NF1: variants seen among roughly 807,000 people sequenced by gnomAD.
NF1 encodes neurofibromin 1.
Under a neutral mutation model 325.7 loss-of-function variants are expected in NF1, and 122 were observed. The ratio of observed to expected loss-of-function variants is 0.37; its 90% CI spans 0.32 to 0.44. NF1 has a LOEUF of 0.44. NF1 is among the 20% of genes least tolerant of loss of function. NF1 has a pLI of 1.00. For synonymous variants in NF1, 1,091 were observed against 1,186.0 expected, an observed-to-expected ratio of 0.92 and a Z score of 1.65; for missense variants, 2,140 against 3,415.4, an observed-to-expected ratio of 0.63 and a Z score of 9.31.
At chr17:31,232,490 T>C (rs1195683522) in intron 25 of NF1, among the ~76,000 whole-genome samples, 1 of 152,148 alleles carries the variant, frequency 6.6e-6, no homozygotes, top group Non-Finnish European at 1.5e-5. Flanking sequence ...GCTAATGTTA[T>C]GAAAGGTATA....
rs1005752744 is a variant in NF1 at position 31,120,518 on chromosome 17, G to A, written c.60+25149G>A. 3.7e-4 allele frequency among the ~76,000 whole-genome samples: 57 copies of A among 152,196 alleles called. 1 individual carries two copies. Among genetic ancestry groups the A allele is most frequent in the African/African-American group, 1.4e-3 (57 of 41,520 alleles). On this transcript the variant is annotated intron_variant, in intron 1 of 57. Transcript: ENST00000358273. Reference sequence around the variant, plus strand: ...AGGAGATTTTGGGCTGAGACGATAGGGTTTTCTAAATATACAGTCATGTCA... The same window carrying A: ...AGGAGATTTTGGGCTGAGACGATAGAGTTTTCTAAATATACAGTCATGTCA...
chr17:31,282,338 C>T (rs931087420), intron 36 of NF1, among the ~76,000 whole-genome samples: 1 of 148,314 alleles, frequency 6.7e-6, no homozygotes, highest in Non-Finnish European at 1.5e-5. Flanking sequence ...GCTGAGATAG[C>T]GCCACAGCAC....
At chr17:31,329,374 T>A (rs993377011) in intron 38 of NF1, among the ~76,000 whole-genome samples, 1 of 152,218 alleles carries the variant, frequency 6.6e-6, no homozygotes, top group Admixed American at 6.5e-5. Context: ...CAGCTTCTGC[T>A]TTTTGCTGAA....
At chr17:31,268,430 C>T (rs190379080) in intron 36 of NF1, among the ~76,000 whole-genome samples, 6 of 151,924 alleles carry the variant, frequency 3.9e-5, no homozygotes, top group South Asian at 2.1e-4. Context: ...AGATCAAGAC[C>T]GTCCTGGCCA....
chr17:31,325,140 G>A (rs1400086169), intron 36 of NF1, among the ~76,000 whole-genome samples: 1 of 152,160 alleles, frequency 6.6e-6, no homozygotes. Flanking sequence ...TAACTGAGCA[G>A]TCCTGGGATA....
chr17:31,266,906 C>T (rs1032073595), intron 36 of NF1, among the ~76,000 whole-genome samples: 4 of 151,556 alleles, frequency 2.6e-5, no homozygotes, highest in Non-Finnish European at 5.9e-5. Flanking sequence ...TAAGAATTCT[C>T]AGCTCTGCTG....
Position 31,335,038 on chromosome 17 carries a change from A to C in NF1, c.6006+7A>C. 6.2e-7 allele frequency: 1 copy of C among 1,609,594 alleles called. No individual in the cohort carries two copies. Among genetic ancestry groups the C allele is most frequent in the African/African-American group, 1.3e-5 (1 of 74,536 alleles). On this transcript the variant is annotated splice_region_variant and intron_variant, in intron 40 of 57. Coordinates refer to ENST00000358273, the MANE Select transcript of NF1 (RefSeq NM_001042492.3). ...ATGGGGAAGCCTTGGGCAGGTATTGAGTTTGCTCAAATATTTATCTAGTAT... is the reference window on the plus strand; with the variant it reads ...ATGGGGAAGCCTTGGGCAGGTATTGCGTTTGCTCAAATATTTATCTAGTAT...
intron 48 of NF1, among the ~76,000 whole-genome samples, chr17:31,344,850 A>G (rs562158021): frequency 8.3e-4 from 127 of 152,374 alleles, no homozygotes; most frequent in African/African-American, 3.0e-3. Flanking sequence ...AGGCAGGTGG[A>G]TTGCTTGAGG....
chr17:31,248,927 A>C, intron 29 of NF1, 57 bp from the exon 30 acceptor site: 1 of 1,578,034 alleles, frequency 6.3e-7, no homozygotes, highest in Admixed American at 1.7e-5. Flanking sequence ...TTAAGGAGTG[A>C]TTTTTGTTAT....
chr17:31,153,655 G>A (rs1374208487), intron 1 of NF1, among the ~76,000 whole-genome samples: 2 of 152,042 alleles, frequency 1.3e-5, no homozygotes, highest in African/African-American at 4.8e-5. Flanking sequence ...ACAGGATCTC[G>A]CTCTGTTGCC....
chr17:31,211,228 A>T (rs908776019), intron 12 of NF1, among the ~76,000 whole-genome samples: 14 of 152,214 alleles, frequency 9.2e-5, no homozygotes, highest in African/African-American at 3.4e-4. Context: ...AATACCTGCA[A>T]TATAGAAGAT....
In NF1 at chr17:31,360,689, C is replaced by G. The variant is rs1567628713; in HGVS notation, c.8363C>G (p.Ser2788Cys). 1.2e-6 allele frequency: 2 copies of G among 1,612,114 alleles called. No individual in the cohort carries two copies. The highest frequency in any genetic ancestry group is 1.7e-6 in the Non-Finnish European group (2 of 1,178,206). The stretch of plus-strand genomic sequence containing the variant: ...AATTCCATGACCTCACTTGCAACTT[C>G]CCAGCATTCCCCAGGTCAGTAAATG... ...LSNSMTSLAT[S>C]QHSPGIDKEN... is the part of the protein sequence containing the mutation. The change falls in exon 57 of 58, where the codon TCC becomes TGC. Residue 2788 changes from serine to cysteine, a missense_variant. By Grantham distance (112) the Ser-to-Cys change is moderately radical. Transcript: ENST00000358273.
chr17:31,111,498 G>GCAGC (rs1467685170), intron 1 of NF1, among the ~76,000 whole-genome samples: 1 of 152,064 alleles, frequency 6.6e-6, no homozygotes, highest in Non-Finnish European at 1.5e-5. Context: ...ACGCTTAAAA[G>GCAGC]CAGCCAGAAG....
chr17:31,315,885 A>G (rs2069008732), intron 36 of NF1, among the ~76,000 whole-genome samples: 1 of 152,174 alleles, frequency 6.6e-6, no homozygotes, highest in Admixed American at 6.5e-5. Flanking sequence ...TATAAAGCAT[A>G]ATATAATCAA....
intron 36 of NF1, chr17:31,313,928 T>C (rs1031505805): frequency 2.5e-6 from 1 of 397,404 alleles, no homozygotes; most frequent in Non-Finnish European, 4.4e-6. Flanking sequence ...GTTTTTAAAA[T>C]AAATTTTATA....
At chr17:31,322,092 TATACACACAC>T (rs2069211349) in intron 36 of NF1, among the ~76,000 whole-genome samples, 1 of 48,488 alleles carries the variant, frequency 2.1e-5, no homozygotes. Context: ...GTAGTGTGTG[TATACACACAC>T]ACACACACAC....
chr17:31,335,790 C>A (rs1394838981), intron 40 of NF1, among the ~76,000 whole-genome samples: 1 of 151,798 alleles, frequency 6.6e-6, no homozygotes, highest in East Asian at 1.9e-4. Flanking sequence ...GTGACCCTTC[C>A]ACCTCAGCCT....
intron 1 of NF1, among the ~76,000 whole-genome samples, chr17:31,106,057 C>T (rs1383858900): frequency 3.9e-5 from 6 of 152,146 alleles, no homozygotes; most frequent in Non-Finnish European, 4.4e-5. Context: ...TCTGTTGACA[C>T]GGTTTCTCTT....
At chr17:31,299,473 A>G (rs1285429364) in intron 36 of NF1, 1 of 152,072 alleles carries the variant, frequency 6.6e-6, no homozygotes, top group African/African-American at 2.4e-5. Flanking sequence ...TTCTAGATTA[A>G]GCAGTAAATT....
Sources: allele counts gnomAD v4.1 joint callset (sites outside exome capture counted in the v4.1 genomes callset), GRCh38; gene constraint gnomAD v4.1.1; transcripts MANE v1.5; gene names NCBI Gene and HGNC (gene_info 2026-07-23, HGNC 2026-07-21).